The following PKN2 variants were observed in gnomAD, a reference collection of about 807,000 sequenced individuals.
The protein encoded by PKN2 is protein kinase N2, also known as serine/threonine-protein kinase N2.
A neutral mutation model predicts 119.1 loss-of-function variants in PKN2; 38 were observed. The ratio of observed to expected loss-of-function variants is 0.32; its 90% CI spans 0.25 to 0.42. The LOEUF is 0.42. Ranked by LOEUF, PKN2 falls within the 10% of genes least tolerant of loss-of-function variation. The pLI is 1.00. For synonymous variants in PKN2, 390 were observed against 384.9 expected (o/e 1.01, Z -0.15); for missense variants, 850 against 1,165.1 (o/e 0.73, Z 3.94).
intron 1 of PKN2, among the ~76,000 whole-genome samples, chr1:88,690,016 A>C (rs542443623): frequency 6.6e-6 from 1 of 152,228 alleles, no homozygotes; most frequent in Non-Finnish European, 1.5e-5. Flanking sequence ...TTTCTTGACT[A>C]CCAAGATAAA....
intron 2 of PKN2, among the ~76,000 whole-genome samples, chr1:88,753,445 T>G (rs1440279073): frequency 6.6e-6 from 1 of 152,194 alleles, no homozygotes; most frequent in African/African-American, 2.4e-5. Flanking sequence ...TTGAAAGATA[T>G]TTTCGTTGGA....
chr1:88,774,675 T>G (rs1670018949), intron 6 of PKN2, among the ~76,000 whole-genome samples: 1 of 152,044 alleles, frequency 6.6e-6, no homozygotes, highest in Admixed American at 6.6e-5. Context: ...TAGTACTACC[T>G]TCTTTTGGTT....
intron 16 of PKN2, among the ~76,000 whole-genome samples, chr1:88,814,055 T>G (rs1489592580): frequency 1.3e-5 from 2 of 152,170 alleles, no homozygotes; most frequent in Non-Finnish European, 2.9e-5. Flanking sequence ...TAAAGACAGA[T>G]TATACTCAAA....
chr1:88,828,412 G>A (rs769667209), intron 18 of PKN2, 69 bp from the exon 19 acceptor site: 5 of 1,394,522 alleles, frequency 3.6e-6, no homozygotes, highest in Non-Finnish European at 4.0e-6. Flanking sequence ...CCCAAAGATA[G>A]CTTTGATTTT....
intron 2 of PKN2, 84 bp downstream of exon 2, chr1:88,741,372 TG>T: frequency 1.1e-6 from 1 of 892,558 alleles, no homozygotes; most frequent in Non-Finnish European, 1.6e-6. Context: ...TTTGGGGACA[TG>T]AATAGTTTTT....
At chr1:88,704,875 T>A (rs1238989024) in intron 1 of PKN2, among the ~76,000 whole-genome samples, 1 of 152,144 alleles carries the variant, frequency 6.6e-6, no homozygotes, top group Non-Finnish European at 1.5e-5. Context: ...TCTAGTAGAT[T>A]TATAGCGACA....
chr1:88,745,297 T>G (rs1305098291), intron 2 of PKN2, among the ~76,000 whole-genome samples: 2 of 152,112 alleles, frequency 1.3e-5, no homozygotes, highest in Non-Finnish European at 2.9e-5. Context: ...ATAAAAGATA[T>G]ACAGATAGGA....
chr1:88,824,328 C>T lies in PKN2; in HGVS notation c.2361C>T (p.Asn787=). 6.3e-7 allele frequency: 1 copy of T among 1,582,638 alleles called. No individual in the cohort carries two copies. Among genetic ancestry groups the T allele is most frequent in the Non-Finnish European group, 8.7e-7 (1 of 1,154,294 alleles). Residue 787 remains asparagine (N), a synonymous_variant, in exon 18 of 22, where the codon AAC becomes AAT. Coordinates refer to ENST00000370521, the MANE Select transcript of PKN2 (RefSeq NM_006256.4). The part of the protein sequence containing the change: ...KIVYRDLKLD[N]LLLDTEGFVK... ...TGAACAGAGATTTGAAATTGGATAA[C>T]TTATTGCTAGATACAGAGGGCTTTG...
At chr1:88,799,607 T>TCCTTG (rs1254484858) in intron 8 of PKN2, among the ~76,000 whole-genome samples, 2 of 152,188 alleles carry the variant, frequency 1.3e-5, no homozygotes, top group African/African-American at 4.8e-5. Context: ...CCTTTCTCCT[T>TCCTTG]CCTTGCCTTG....
chr1:88,742,320 C>T (rs910275170), intron 2 of PKN2, among the ~76,000 whole-genome samples: 2 of 152,116 alleles, frequency 1.3e-5, no homozygotes, highest in African/African-American at 4.8e-5. Flanking sequence ...TTTTTACCAT[C>T]TCAAAAGTTG....
At chr1:88,727,286 A>G (rs976095888) in intron 1 of PKN2, among the ~76,000 whole-genome samples, 10 of 150,168 alleles carry the variant, frequency 6.7e-5, no homozygotes, top group African/African-American at 2.5e-4. Context: ...TTTTTAGCCT[A>G]CCTGTGTCAT....
chr1:88,798,501 A>G (rs946755367), intron 8 of PKN2, among the ~76,000 whole-genome samples: 2 of 152,174 alleles, frequency 1.3e-5, no homozygotes, highest in East Asian at 1.9e-4. Flanking sequence ...GATGACAAAG[A>G]GAACCAAGTA....
At chr1:88,700,235 A>G (rs888100477) in intron 1 of PKN2, among the ~76,000 whole-genome samples, 2 of 152,110 alleles carry the variant, frequency 1.3e-5, no homozygotes, top group African/African-American at 2.4e-5. Context: ...TCTTTGTAAT[A>G]GAACCATTTA....
chr1:88,798,996 TA>T (rs1671204978), intron 8 of PKN2, among the ~76,000 whole-genome samples: 1 of 152,096 alleles, frequency 6.6e-6, no homozygotes, highest in Non-Finnish European at 1.5e-5. Context: ...TGTAACAATA[TA>T]GGTTTGAGTT....
intron 8 of PKN2, among the ~76,000 whole-genome samples, chr1:88,794,379 A>T (rs1670975822): frequency 6.6e-6 from 1 of 152,014 alleles, no homozygotes; most frequent in Non-Finnish European, 1.5e-5. Flanking sequence ...AAAAAAAAAA[A>T]AAAAAATCAA....
chr1:88,686,179 AG>A (rs1442081172), intron 1 of PKN2, among the ~76,000 whole-genome samples: 1 of 152,186 alleles, frequency 6.6e-6, no homozygotes, highest in Non-Finnish European at 1.5e-5. Flanking sequence ...ATGTGAGGCA[AG>A]TCAGAAATAC....
chr1:88,757,137 T>C (rs75266333), intron 2 of PKN2, among the ~76,000 whole-genome samples: 2,948 of 152,332 alleles, frequency 0.019, 91 homozygotes, highest in African/African-American at 0.066. Context: ...TCAGTTAGAA[T>C]AGAAACCTTT....
rs1665975614 is a variant in PKN2 at position 88,684,340 on chromosome 1, C to T, written c.-241C>T. 4.6e-6 allele frequency: 2 copies of T among 437,232 alleles called. No individual in the cohort carries two copies. The highest frequency in any genetic ancestry group is 8.1e-6 in the Non-Finnish European group (2 of 246,440). 27.1% of individuals were successfully genotyped at this position (437,232 alleles called of 1,614,324 possible). A position where few individuals can be genotyped will look rare whatever the true frequency, so the allele number is the denominator to read the frequency against. On this transcript the variant is annotated 5_prime_UTR_variant, in exon 1 of 22. The change creates a new upstream start codon in the 5' untranslated region. Coordinates refer to ENST00000370521, the MANE Select transcript of PKN2 (RefSeq NM_006256.4). ...GCGTCGCCCAGAGGGAGCGACTAGA[C>T]GAACAGTCCGGTGAGGGCGGCGAGA...
intron 2 of PKN2, among the ~76,000 whole-genome samples, chr1:88,750,879 T>C (rs1668960686): frequency 6.6e-6 from 1 of 152,144 alleles, no homozygotes; most frequent in Non-Finnish European, 1.5e-5. Context: ...GTATCTCTTC[T>C]TCATCTTTAT....
Sources: gnomAD v4.1 joint callset for allele counts (sites outside exome capture counted in the v4.1 genomes callset) on GRCh38, gnomAD v4.1.1 for gene constraint, MANE v1.5 for transcripts, NCBI Gene and HGNC (gene_info 2026-07-23, HGNC 2026-07-21) for gene names.